APLP2: variants seen among roughly 807,000 people sequenced by gnomAD.
The protein encoded by APLP2 is amyloid beta precursor like protein 2.
In APLP2, 53 loss-of-function variants were observed where a neutral mutation model predicts 89.9. The observed-to-expected ratio is 0.59, with a 90% CI of 0.47 to 0.74. The LOEUF is 0.74. APLP2 is among the 30% of genes least tolerant of loss of function. The pLI, the probability that APLP2 is intolerant of heterozygous loss-of-function variation, is 0.00. For missense variants in APLP2, 973 were observed against 975.9 expected, an observed-to-expected ratio of 1.00 and a Z score of 0.04; for synonymous variants, 372 against 348.6, an observed-to-expected ratio of 1.07 and a Z score of -0.75.
At position 130,141,283 on chromosome 11, in the gene APLP2, G is replaced by A; in HGVS notation, c.1924-215G>A. 1.8e-6 allele frequency: 1 copy of A among 552,296 alleles called. No homozygotes were observed. The highest frequency in any genetic ancestry group is 2.3e-5 in the South Asian group (1 of 43,152). The allele number at this position is 552,296 out of a possible 1,614,324, so 34.2% of individuals were successfully genotyped here. Reference sequence around the variant, plus strand: ...TTGAAGGAAAATGCATACGGGACCAGCTGCCATAATATAGTCTTCCCTCCA... The same window carrying A: ...TTGAAGGAAAATGCATACGGGACCAACTGCCATAATATAGTCTTCCCTCCA... On this transcript the variant is annotated intron_variant, in intron 14 of 16. Coordinates refer to ENST00000338167, the MANE Select transcript of APLP2 (RefSeq NM_001142276.2). The surrounding 1 kb of genome is among the most constrained non-coding windows in gnomAD (Gnocchi z 4.2).
At chr11:130,132,539 T>C (rs1357860209) in intron 11 of APLP2, among the ~76,000 whole-genome samples, 1 of 151,860 alleles carries the variant, frequency 6.6e-6, no homozygotes, top group East Asian at 1.9e-4. Flanking sequence ...TTGGGGTGGA[T>C]GCTAGCCCGT....
At position 130,127,766 on chromosome 11, in the gene APLP2, G is replaced by A. The variant is rs746525437; in HGVS notation, c.1222G>A (p.Val408Ile). The A allele has an allele frequency of 6.2e-6, 10 of 1,613,934 alleles. No homozygotes were observed. In the South Asian group the frequency reaches 1.1e-4, roughly 18 times the overall value. ...EIRHRNRMDR[V>I]KKEWEEAELQ... ...ACGGCGTTTTTGACCTTTGTTCTAGGTAAAGAAGGAATGGGAAGAGGCAGA... is the reference window on the plus strand; with the variant it reads ...ACGGCGTTTTTGACCTTTGTTCTAGATAAAGAAGGAATGGGAAGAGGCAGA... The change falls in exon 9 of 17, where the codon GTA becomes ATA. Residue 408 changes from valine (V) to isoleucine (I), a missense_variant and splice_region_variant. Transcript: ENST00000338167.
chr11:130,083,401 G>A (rs182962634), intron 1 of APLP2, among the ~76,000 whole-genome samples: 3 of 152,182 alleles, frequency 2.0e-5, no homozygotes, highest in Admixed American at 1.3e-4. Context: ...GCACAATGCA[G>A]TATTGTTAAC....
At chr11:130,091,517 G>C (rs1945186275) in intron 1 of APLP2, among the ~76,000 whole-genome samples, 1 of 140,560 alleles carries the variant, frequency 7.1e-6, no homozygotes, top group Non-Finnish European at 1.6e-5. Flanking sequence ...CTCCCTCCCG[G>C]ACAGGGCGGC....
chr11:130,129,080 G>A lies in APLP2; in HGVS notation c.1329G>A (p.Lys443=). 6.2e-7 allele frequency: 1 copy of A among 1,614,170 alleles called. No homozygotes were observed. Among genetic ancestry groups the A allele is most frequent in the East Asian group, 2.2e-5 (1 of 44,886 alleles). ...HFQAMVKALE[K]EAASEKQQLV... ...AAGCCATGGTTAAAGCTTTAGAGAA[G>A]GAAGCAGCCAGTGAGAAGCAGCAGC... Residue 443 remains lysine, a synonymous_variant, in exon 10 of 17, where the codon AAG becomes AAA. Coordinates refer to ENST00000338167, the MANE Select transcript of APLP2 (RefSeq NM_001142276.2).
In APLP2 at chr11:130,126,694, T is replaced by C; in HGVS notation, c.1091-6T>C. The stretch of plus-strand genomic sequence containing the variant: ...AAAGAGAACTCCCTCTGTAATTTTG[T>C]TTCAGTTCCTCCAACTCCTCTGCCA... On this transcript the variant is annotated splice_region_variant and splice_polypyrimidine_tract_variant and intron_variant, in intron 7 of 16. Transcript: ENST00000338167. 1.2e-6 allele frequency: 2 copies of C among 1,613,676 alleles called. No homozygotes were observed. The highest frequency in any genetic ancestry group is 1.7e-6 in the Non-Finnish European group (2 of 1,179,538).
At position 130,070,098 on chromosome 11, in the gene APLP2, A is replaced by T; in HGVS notation, c.105+16A>T. The T allele has an allele frequency of 2.2e-6, 3 of 1,394,106 alleles. No individual in the cohort carries two copies. The highest frequency in any genetic ancestry group is 2.8e-6 in the Non-Finnish European group (3 of 1,077,438). The allele number at this position is 1,394,106 out of a possible 1,614,324, so 86.4% of individuals were successfully genotyped here. On this transcript the variant is annotated intron_variant, in intron 1 of 16. Transcript: ENST00000338167. Reference sequence around the variant, plus strand: ...CTACATCGAGGTGGGGACCGGGCGAACGCCGGAGAGTCGTCTCCTTCGCCC... The same window carrying T: ...CTACATCGAGGTGGGGACCGGGCGATCGCCGGAGAGTCGTCTCCTTCGCCC...
rs933146928 is a variant in APLP2 at position 130,070,070 on chromosome 11, C to T, written c.93C>T (p.Ala31=). ...TCACGGCGCCTGCCTTGGCGCTGGC[C>T]GGCTACATCGAGGTGGGGACCGGGC... The part of the protein sequence containing the change: ...VGLTAPALAL[A]GYIEALAANA... Residue 31 remains alanine, a synonymous_variant, in exon 1 of 17, where the codon GCC becomes GCT. Coordinates refer to ENST00000338167, the MANE Select transcript of APLP2 (RefSeq NM_001142276.2). The T allele has an allele frequency of 1.4e-6, 2 of 1,478,452 alleles. No individual in the cohort carries two copies. Among genetic ancestry groups the T allele is most frequent in the Admixed American group, 2.3e-5 (1 of 43,082 alleles). The allele number at this position is 1,478,452 out of a possible 1,614,324, so 91.6% of individuals were successfully genotyped here. A position where few individuals can be genotyped will look rare whatever the true frequency, so the allele number is the denominator to read the frequency against.
chr11:130,070,530 G>C (rs544043887), intron 1 of APLP2: 1 of 1,249,178 alleles, frequency 8.0e-7, no homozygotes, highest in East Asian at 3.4e-5. Flanking sequence ...CCGGGGCCTC[G>C]GCTCCGGGCC....
In APLP2 at chr11:130,122,430, G is replaced by A; in HGVS notation, c.839G>A (p.Gly280Glu). Residue 280 changes from glycine to glutamate, a missense_variant, in exon 6 of 17, where the codon GGA becomes GAA. Transcript: ENST00000338167. ...DRDYYYDTFK[G>E]DDYNEENPTE... is the part of the protein sequence containing the mutation. ...GATTACTACTATGACACCTTCAAAG[G>A]AGATGACTACAATGAGGAGAATCCT... is the stretch of plus-strand genomic sequence containing the variant. 6.2e-7 allele frequency: 1 copy of A among 1,614,206 alleles called. No homozygotes were observed.
Position 130,069,894 on chromosome 11 carries a change from A to T in APLP2, c.-84A>T. Reference sequence around the variant, plus strand: ...CCCGGGGCGGCGGCGAACTGGCTTTAGATGCTTCTGGGTCGCGGTGTGCTA... The same window carrying T: ...CCCGGGGCGGCGGCGAACTGGCTTTTGATGCTTCTGGGTCGCGGTGTGCTA... On this transcript the variant is annotated 5_prime_UTR_variant, in exon 1 of 17. Transcript: ENST00000338167. 9.6e-7 allele frequency: 1 copy of T among 1,038,644 alleles called. No individual in the cohort carries two copies. Among genetic ancestry groups the T allele is most frequent in the Non-Finnish European group, 1.4e-6 (1 of 723,584 alleles). 64.3% of individuals were successfully genotyped at this position (1,038,644 alleles called of 1,614,324 possible). A position where few individuals can be genotyped will look rare whatever the true frequency, so the allele number is the denominator to read the frequency against.
chr11:130,084,109 G>T (rs1172427997), intron 1 of APLP2, among the ~76,000 whole-genome samples: 1 of 152,140 alleles, frequency 6.6e-6, no homozygotes, highest in Non-Finnish European at 1.5e-5. Flanking sequence ...AGCCAGGCGT[G>T]GTGGCGGGTG....
intron 1 of APLP2, among the ~76,000 whole-genome samples, chr11:130,078,845 G>A (rs1315409200): frequency 5.9e-5 from 9 of 151,652 alleles, no homozygotes; most frequent in Admixed American, 3.3e-4. Flanking sequence ...ACTCCACATT[G>A]TCTTAATTAT....
chr11:130,070,591 C>G (rs1404710818), intron 1 of APLP2: 2 of 1,345,348 alleles, frequency 1.5e-6, no homozygotes, highest in African/African-American at 1.5e-5. Flanking sequence ...GGACGCGGCC[C>G]CGGCCTTCGC....
intron 1 of APLP2, among the ~76,000 whole-genome samples, chr11:130,094,083 C>T (rs546171849): frequency 0.077 from 8,216 of 106,704 alleles, 264 homozygotes; most frequent in Middle Eastern, 0.097. Flanking sequence ...GACGGAGTTT[C>T]TCTCTTGTAG....
intron 3 of APLP2, among the ~76,000 whole-genome samples, chr11:130,116,496 CTTTTTCTTTTT>C (rs1949182207): frequency 1.3e-5 from 2 of 151,472 alleles, no homozygotes; most frequent in Non-Finnish European, 2.9e-5. Flanking sequence ...TTCTTTTTTT[CTTTTTCTTTTT>C]AAGACAGGGT....
chr11:130,125,002 G>A (rs1272877012), intron 7 of APLP2, among the ~76,000 whole-genome samples: 2 of 152,224 alleles, frequency 1.3e-5, no homozygotes, highest in Non-Finnish European at 2.9e-5. Context: ...TGGAGTGGCA[G>A]GTCTGTAAAA....
intron 1 of APLP2, among the ~76,000 whole-genome samples, chr11:130,084,692 G>A (rs1943822323): frequency 6.6e-6 from 1 of 151,700 alleles, no homozygotes; most frequent in Non-Finnish European, 1.5e-5. Context: ...CACTGAGAGG[G>A]AAGTTTATAG....
intron 1 of APLP2, among the ~76,000 whole-genome samples, chr11:130,102,670 G>A (rs1009759279): frequency 2.0e-5 from 3 of 152,202 alleles, no homozygotes; most frequent in African/African-American, 7.2e-5. Flanking sequence ...GAGCCCAGGA[G>A]TTGCATCACT....
Sources: gnomAD v4.1 joint callset for allele counts (sites outside exome capture counted in the v4.1 genomes callset) on GRCh38, gnomAD v4.1.1 for gene constraint, Gnocchi (gnomAD v3.1) non-coding constraint, MANE v1.5 for transcripts, NCBI Gene and HGNC (gene_info 2026-07-23, HGNC 2026-07-21) for gene names.